The following GSG1L variants were observed in gnomAD, a reference collection of about 807,000 sequenced individuals.
GSG1L encodes the protein GSG1 like.
Under a neutral mutation model 42.1 loss-of-function variants are expected in GSG1L, and 24 were observed. The ratio of observed to expected loss-of-function variants is 0.57; its 90% CI spans 0.41 to 0.80. The LOEUF (loss-of-function observed/expected upper bound fraction) is 0.80, where lower values mean the gene tolerates loss of function less well. Among genes scored for constraint, GSG1L ranks in the 30% least tolerant of loss-of-function variants. GSG1L has a pLI of 0.00. For synonymous variants in GSG1L, 215 were observed against 203.5 expected (o/e 1.06, Z -0.48); for missense variants, 445 against 472.2 (o/e 0.94, Z 0.53).
At chr16:27,944,120 G>T in intron 2 of GSG1L, among the ~76,000 whole-genome samples, 1 of 152,162 alleles carries the variant, frequency 6.6e-6, no homozygotes, top group East Asian at 1.9e-4. Flanking sequence ...GCTTCTGGGA[G>T]TCTGACAATG....
chr16:27,886,850 A>AC (rs2084036640), intron 2 of GSG1L, among the ~76,000 whole-genome samples: 1 of 152,190 alleles, frequency 6.6e-6, no homozygotes, highest in Non-Finnish European at 1.5e-5. Context: ...TCAGACATGG[A>AC]CCCATGACCC....
intron 3 of GSG1L, among the ~76,000 whole-genome samples, chr16:27,872,336 C>T (rs1307504191): frequency 2.0e-5 from 3 of 152,210 alleles, no homozygotes; most frequent in African/African-American, 7.2e-5. Flanking sequence ...CATGGATGGC[C>T]AGCAGTAGAC....
intron 5 of GSG1L, among the ~76,000 whole-genome samples, chr16:27,824,401 G>C (rs534164603): frequency 6.6e-6 from 1 of 152,330 alleles, no homozygotes; most frequent in South Asian, 2.1e-4. Context: ...AACCTGGGCA[G>C]GTGGGGCCAT....
At chr16:27,833,289 A>G (rs899385468) in intron 4 of GSG1L, among the ~76,000 whole-genome samples, 10 of 152,142 alleles carry the variant, frequency 6.6e-5, no homozygotes, top group African/African-American at 2.2e-4. Flanking sequence ...TTTGTCAAAA[A>G]TTAGTTGGGC....
Position 27,884,843 on chromosome 16 carries a change from T to C in GSG1L, c.398-205A>G, listed in dbSNP as rs2084009366. Among the ~76,000 whole-genome samples the C allele has an allele frequency of 6.6e-6, 1 of 152,208 alleles. No individual in the cohort carries two copies. Among genetic ancestry groups the C allele is most frequent in the Non-Finnish European group, 1.5e-5 (1 of 68,038 alleles). ...TCAGGGACCGAAGCTTAAGTCAGCA[T>C]TCTCTGGATCCTATTACTGGGGAAG... On this transcript the variant is annotated intron_variant, in intron 2 of 6. Transcript: ENST00000447459. The surrounding 1 kb of genome is among the most constrained non-coding windows in gnomAD (Gnocchi z 4.4).
At chr16:28,013,893 C>T (rs1045977326) in intron 1 of GSG1L, among the ~76,000 whole-genome samples, 4 of 152,212 alleles carry the variant, frequency 2.6e-5, no homozygotes, top group African/African-American at 9.6e-5. Flanking sequence ...CAGGCATCTC[C>T]TGCCTTCCTA....
Position 28,063,534 on chromosome 16 carries a change from G to A in GSG1L, c.-110C>T. On this transcript the variant is annotated 5_prime_UTR_variant, in exon 1 of 7. Coordinates refer to ENST00000447459, the MANE Select transcript of GSG1L (RefSeq NM_001109763.2). The surrounding 1 kb of genome is among the most constrained non-coding windows in gnomAD (Gnocchi z 5.8). ...CTGCCCGCCGCGCCCCGGGGCTCGGGTGCCTGAGATCGGCGGCGGCGGACG... is the reference window on the plus strand; with the variant it reads ...CTGCCCGCCGCGCCCCGGGGCTCGGATGCCTGAGATCGGCGGCGGCGGACG... 6 of 618,356 alleles carry A rather than the reference G, an allele frequency of 9.7e-6. No homozygotes were observed. The highest frequency in any genetic ancestry group is 1.3e-5 in the Non-Finnish European group (6 of 476,336). The allele number at this position is 618,356 out of a possible 1,614,324, so 38.3% of individuals were successfully genotyped here.
intron 2 of GSG1L, among the ~76,000 whole-genome samples, chr16:27,922,599 C>T (rs2084538198): frequency 6.6e-6 from 1 of 152,188 alleles, no homozygotes; most frequent in African/African-American, 2.4e-5. Flanking sequence ...ACTATTCTTT[C>T]TCCCATGACC....
At chr16:27,837,279 G>C (rs956369954) in intron 4 of GSG1L, among the ~76,000 whole-genome samples, 1 of 152,124 alleles carries the variant, frequency 6.6e-6, no homozygotes, top group Non-Finnish European at 1.5e-5. Flanking sequence ...AACAGCATGG[G>C]GAAACCACCC....
At chr16:27,883,077 C>T (rs2083979178) in intron 3 of GSG1L, among the ~76,000 whole-genome samples, 1 of 147,080 alleles carries the variant, frequency 6.8e-6, no homozygotes, top group African/African-American at 2.5e-5. Context: ...CGTGATTACA[C>T]CACTGCTCTC....
intron 1 of GSG1L, among the ~76,000 whole-genome samples, chr16:28,057,761 G>A (rs1404540810): frequency 6.6e-6 from 1 of 152,142 alleles, no homozygotes; most frequent in Non-Finnish European, 1.5e-5. Flanking sequence ...CTATCATGGG[G>A]CAGATAGGAT....
intron 4 of GSG1L, among the ~76,000 whole-genome samples, chr16:27,840,548 C>G (rs1372574589): frequency 1.3e-5 from 2 of 152,174 alleles, no homozygotes; most frequent in Non-Finnish European, 2.9e-5. Flanking sequence ...ACTCACCGAG[C>G]AAACTCTGTG....
intron 2 of GSG1L, among the ~76,000 whole-genome samples, chr16:27,955,963 A>G (rs1308642334): frequency 6.6e-6 from 1 of 150,438 alleles, no homozygotes; most frequent in African/African-American, 2.4e-5. Flanking sequence ...GAAGGACAGG[A>G]GGGAGGGAGG....
intron 3 of GSG1L, among the ~76,000 whole-genome samples, chr16:27,846,546 TTTA>T (rs1286175890): frequency 6.6e-6 from 1 of 152,194 alleles, no homozygotes; most frequent in Non-Finnish European, 1.5e-5. Context: ...TTAAATTCTA[TTTA>T]TCCCCAAATA....
chr16:27,936,119 A>C (rs2084713928), intron 2 of GSG1L, among the ~76,000 whole-genome samples: 1 of 151,782 alleles, frequency 6.6e-6, no homozygotes, highest in Non-Finnish European at 1.5e-5. Flanking sequence ...TGCCCAGGTC[A>C]ATCACAGTCG....
chr16:28,004,503 G>A (rs949769693), intron 1 of GSG1L, among the ~76,000 whole-genome samples: 7 of 151,856 alleles, frequency 4.6e-5, no homozygotes, highest in African/African-American at 1.7e-4. Flanking sequence ...GGCCGGGCAG[G>A]GTAGCTTACA....
At chr16:28,024,126 G>A (rs769284054) in intron 1 of GSG1L, among the ~76,000 whole-genome samples, 32 of 152,158 alleles carry the variant, frequency 2.1e-4, no homozygotes, top group Non-Finnish European at 4.1e-4. Flanking sequence ...CAAGATACGA[G>A]GTTTTGCTCC....
At chr16:27,793,170 T>TC (rs911630210) in intron 6 of GSG1L, among the ~76,000 whole-genome samples, 80 of 152,268 alleles carry the variant, frequency 5.3e-4, no homozygotes, top group African/African-American at 1.8e-3. Context: ...TCCTTCTCCA[T>TC]CCTCAAAGCA....
At chr16:27,983,009 C>T (rs1353549071) in intron 1 of GSG1L, among the ~76,000 whole-genome samples, 1 of 152,162 alleles carries the variant, frequency 6.6e-6, no homozygotes, top group Non-Finnish European at 1.5e-5. Context: ...CCAGGACCAC[C>T]TGTGCTGACA....
Sources: allele counts gnomAD v4.1 joint callset (sites outside exome capture counted in the v4.1 genomes callset), GRCh38; gene constraint gnomAD v4.1.1; non-coding constraint Gnocchi (gnomAD v3.1); transcripts MANE v1.5; gene names NCBI Gene and HGNC (gene_info 2026-07-23, HGNC 2026-07-21).